MTHFD1: variants seen among roughly 807,000 people sequenced by gnomAD.
MTHFD1 encodes C-1-tetrahydrofolate synthase, cytoplasmic.
A neutral mutation model predicts 110.3 loss-of-function variants in MTHFD1; 44 were observed. That is an observed-to-expected ratio of 0.40 (90% CI 0.31 to 0.51). The LOEUF (loss-of-function observed/expected upper bound fraction) is 0.51, where lower values mean the gene tolerates loss of function less well. Ranked by LOEUF, MTHFD1 falls within the 20% of genes least tolerant of loss-of-function variation. The pLI, the probability that MTHFD1 is intolerant of heterozygous loss-of-function variation, is 0.60. For synonymous variants in MTHFD1, 402 were observed against 428.8 expected (o/e 0.94, Z 0.77); for missense variants, 909 against 1,173.1 (o/e 0.77, Z 3.29).
chr14:64,449,536 G>C lies in MTHFD1; in HGVS notation c.2371G>C (p.Gly791Arg). ...DAVKCTHWAE[G>R]GKGALALAQA... ...CGTGAAGTGCACTCACTGGGCAGAA[G>C]GGGGCAAGGGTGCCTTAGCCCTGGC... The change falls in exon 24 of 28, where the codon GGG (glycine) becomes CGG (arginine). Residue 791 changes from glycine (G) to arginine (R), a missense_variant. By Grantham distance (125) the Gly-to-Arg change is moderately radical (BLOSUM62 -2). Around this residue, in one of 3 missense-constraint regions of MTHFD1, gnomAD observed 482 missense variants for 646.0 expected, o/e 0.75. Transcript: ENST00000652337. 1.2e-6 allele frequency: 2 copies of C among 1,614,182 alleles called. No individual in the cohort carries two copies. Among genetic ancestry groups the C allele is most frequent in the Non-Finnish European group, 1.7e-6 (2 of 1,180,004 alleles).
intron 26 of MTHFD1, chr14:64,455,137 A>G (rs1163332926): frequency 8.8e-6 from 4 of 454,294 alleles, no homozygotes; most frequent in Non-Finnish European, 1.6e-5. Context: ...CAGGGACAGT[A>G]TGCTCTTCAC....
chr14:64,398,700 C>T (rs1226528744), intron 1 of MTHFD1, among the ~76,000 whole-genome samples: 1 of 152,000 alleles, frequency 6.6e-6, no homozygotes, highest in East Asian at 1.9e-4. Context: ...TTTTTTGTGA[C>T]GTGTGGAGAA....
At chr14:64,397,315 C>T (rs1306096065) in intron 1 of MTHFD1, among the ~76,000 whole-genome samples, 15 of 146,216 alleles carry the variant, frequency 1.0e-4, no homozygotes, top group Admixed American at 2.1e-4. Flanking sequence ...TGTTTTGAGA[C>T]GGAGTCTCAG....
intron 11 of MTHFD1, among the ~76,000 whole-genome samples, chr14:64,426,702 C>T (rs1317194574): frequency 6.6e-6 from 1 of 151,912 alleles, no homozygotes; most frequent in African/African-American, 2.4e-5. Context: ...AACTCCTGAC[C>T]TTGTGATCCA....
intron 2 of MTHFD1, among the ~76,000 whole-genome samples, chr14:64,401,696 G>T (rs1208509602): frequency 1.9e-5 from 1 of 52,084 alleles, no homozygotes; most frequent in Non-Finnish European, 4.0e-5. Context: ...GAGAGATTCC[G>T]TCTCAAAAAA....
Position 64,419,941 on chromosome 14 carries a change from G to A in MTHFD1, c.727+16G>A, listed in dbSNP as rs2140959274. 3.9e-6 allele frequency: 6 copies of A among 1,549,356 alleles called. No homozygotes were observed. Among genetic ancestry groups the A allele is most frequent in the East Asian group, 4.5e-5 (2 of 44,540 alleles). ...TATGTCCCAGGTGAGTGTTGTTGGA[G>A]GAGTAAGGTGGCTGCTGGTATTGAG... On this transcript the variant is annotated intron_variant, in intron 8 of 27. Coordinates refer to ENST00000652337, the MANE Select transcript of MTHFD1 (RefSeq NM_005956.4).
chr14:64,400,160 G>GGGGGGATCACCTGAGGTC (rs1156564961), intron 1 of MTHFD1, among the ~76,000 whole-genome samples: 2 of 140,164 alleles, frequency 1.4e-5, no homozygotes, highest in African/African-American at 5.3e-5. Context: ...AAGCTGAGGT[G>GGGGGGATCACCTGAGGTC]GGGGGATCAC....
At chr14:64,402,932 A>T (rs2077909935) in intron 2 of MTHFD1, among the ~76,000 whole-genome samples, 1 of 152,166 alleles carries the variant, frequency 6.6e-6, no homozygotes, top group South Asian at 2.1e-4. Flanking sequence ...ACTATTAAAA[A>T]CACATGCACT....
chr14:64,431,469 A>G lies in MTHFD1; in HGVS notation c.1312-63A>G, dbSNP rs374040995. 1.6e-5 allele frequency: 22 copies of G among 1,388,560 alleles called. 1 individual carries two copies. The South Asian group carries it at 2.1e-4, about 13-fold the overall frequency. 86.0% of individuals were successfully genotyped at this position (1,388,560 alleles called of 1,614,324 possible). The stretch of plus-strand genomic sequence containing the variant: ...TAAAATAGGGATTGAGCTTTGCAAT[A>G]GAATGAAAGTTGGAAAGATACAGAG... On this transcript the variant is annotated intron_variant, in intron 13 of 27. Coordinates refer to ENST00000652337, the MANE Select transcript of MTHFD1 (RefSeq NM_005956.4).
chr14:64,418,106 G>T, intron 7 of MTHFD1, 82 bp downstream of exon 7: 1 of 1,524,208 alleles, frequency 6.6e-7, no homozygotes, highest in South Asian at 1.1e-5. Context: ...TTACACTCAT[G>T]ACCTCATTTA....
intron 22 of MTHFD1, among the ~76,000 whole-genome samples, chr14:64,447,454 CTT>C (rs34013579): frequency 1.1e-4 from 14 of 126,994 alleles, no homozygotes; most frequent in Admixed American, 7.9e-5. Flanking sequence ...AGGTCCGGCC[CTT>C]TTTTTTTTTT....
rs1471477587 is a variant in MTHFD1 at position 64,412,543 on chromosome 14, G to C, written c.240+18G>C. ...AATCTGAGGTGAGCTTTTATGAGTT[G>C]ATTGTGAAGAGGGAAGGTGAAGTGG... On this transcript the variant is annotated intron_variant, in intron 4 of 27. Coordinates refer to ENST00000652337, the MANE Select transcript of MTHFD1 (RefSeq NM_005956.4). 6.2e-7 allele frequency: 1 copy of C among 1,602,180 alleles called. No homozygotes were observed. The highest frequency in any genetic ancestry group is 1.7e-5 in the Admixed American group (1 of 59,926).
At chr14:64,456,691 T>C (rs2078480022) in intron 26 of MTHFD1, among the ~76,000 whole-genome samples, 1 of 152,188 alleles carries the variant, frequency 6.6e-6, no homozygotes, top group African/African-American at 2.4e-5. Flanking sequence ...CCTACTTGTC[T>C]CACACCTAGC....
intron 27 of MTHFD1, chr14:64,458,609 T>G: frequency 2.3e-6 from 1 of 426,236 alleles, no homozygotes; most frequent in Non-Finnish European, 4.4e-6. Flanking sequence ...TTAGACTCCC[T>G]CTGCTGAAGC....
intron 6 of MTHFD1, among the ~76,000 whole-genome samples, chr14:64,416,317 C>CG (rs1157009325): frequency 6.6e-6 from 1 of 152,098 alleles, no homozygotes; most frequent in African/African-American, 2.4e-5. Context: ...TGGGAGACAA[C>CG]GGAACCAAGA....
intron 4 of MTHFD1, among the ~76,000 whole-genome samples, chr14:64,414,332 G>T (rs1596538699): frequency 7.8e-6 from 1 of 128,652 alleles, no homozygotes; most frequent in African/African-American, 3.0e-5. Context: ...TTGCTCTGTT[G>T]CCCAGGCTGG....
chr14:64,458,383 G>C, intron 27 of MTHFD1, 76 bp downstream of exon 27: 1 of 975,768 alleles, frequency 1.0e-6, no homozygotes, highest in East Asian at 2.4e-5. Context: ...TCAAACTGAC[G>C]CTATAAAAAT....
At chr14:64,448,673 TG>T (rs1244045778) in intron 23 of MTHFD1, 4 of 299,174 alleles carry the variant, frequency 1.3e-5, no homozygotes, top group Admixed American at 9.4e-5. Flanking sequence ...GATGTTGTCT[TG>T]ACAAAGAATT....
At chr14:64,439,800 G>A (rs901389944) in intron 17 of MTHFD1, among the ~76,000 whole-genome samples, 14 of 150,586 alleles carry the variant, frequency 9.3e-5, no homozygotes, top group African/African-American at 2.9e-4. Context: ...AGGCTGAGGC[G>A]CGAAAATTGC....
Sources: gnomAD v4.1 joint callset for allele counts (sites outside exome capture counted in the v4.1 genomes callset) on GRCh38, gnomAD v4.1.1 for gene constraint, gnomAD v4.1.1 regional missense constraint, MANE v1.5 for transcripts, NCBI Gene and HGNC (gene_info 2026-07-23, HGNC 2026-07-21) for gene names.